Variants in SPOCK1 observed in about 807,000 individuals in gnomAD.
The protein encoded by SPOCK1 is SPARC (osteonectin), cwcv and kazal like domains proteoglycan 1, also known as testican-1.
In SPOCK1, 23 loss-of-function variants were observed where a neutral mutation model predicts 55.3. That is an observed-to-expected ratio of 0.42 (90% confidence interval 0.30 to 0.59). The LOEUF (loss-of-function observed/expected upper bound fraction) is 0.59. Among genes scored for constraint, SPOCK1 ranks in the 20% least tolerant of loss-of-function variants. The pLI, the probability that SPOCK1 is intolerant of heterozygous loss-of-function variation, is 0.22. For missense variants in SPOCK1, 499 were observed against 552.5 expected (o/e 0.90, Z 0.97); for synonymous variants, 226 against 221.0 (o/e 1.02, Z -0.20).
chr5:137,229,272 T>C (rs1243970978), intron 3 of SPOCK1, among the ~76,000 whole-genome samples: 1 of 152,114 alleles, frequency 6.6e-6, no homozygotes, highest in East Asian at 1.9e-4. Context: ...AAAGTATGAA[T>C]TGGGACATGT....
At chr5:137,020,168 C>T (rs1751538624) in intron 6 of SPOCK1, among the ~76,000 whole-genome samples, 1 of 150,978 alleles carries the variant, frequency 6.6e-6, no homozygotes, top group South Asian at 2.1e-4. Flanking sequence ...TTCCATAACT[C>T]TATGTAGGTT....
chr5:137,384,551 T>C (rs1561521412), intron 2 of SPOCK1, among the ~76,000 whole-genome samples: 1 of 146,406 alleles, frequency 6.8e-6, no homozygotes, highest in Non-Finnish European at 1.5e-5. Context: ...TATACACACA[T>C]ATACATACAT....
chr5:137,132,435 T>C (rs1222424022), intron 4 of SPOCK1, among the ~76,000 whole-genome samples: 1 of 152,130 alleles, frequency 6.6e-6, no homozygotes, highest in Admixed American at 6.5e-5. Context: ...TGAAATCCGA[T>C]GTAGGAAATA....
At chr5:137,212,402 A>G (rs1190178229) in intron 3 of SPOCK1, among the ~76,000 whole-genome samples, 40 of 152,186 alleles carry the variant, frequency 2.6e-4, no homozygotes, top group Non-Finnish European at 5.0e-4. Flanking sequence ...TAAGTTTGCA[A>G]TATATTGCAA....
At chr5:137,305,589 C>T (rs1315313014) in intron 2 of SPOCK1, among the ~76,000 whole-genome samples, 1 of 151,914 alleles carries the variant, frequency 6.6e-6, no homozygotes, top group African/African-American at 2.4e-5. Context: ...TTCGGGATGG[C>T]CATTCTTAAC....
At chr5:137,182,832 C>A (rs1415414503) in intron 3 of SPOCK1, among the ~76,000 whole-genome samples, 1 of 152,188 alleles carries the variant, frequency 6.6e-6, no homozygotes, top group East Asian at 1.9e-4. Context: ...AACTCTCCTC[C>A]CCTCTAGACC....
intron 6 of SPOCK1, among the ~76,000 whole-genome samples, chr5:137,055,425 C>A (rs553618630): frequency 6.6e-6 from 1 of 152,176 alleles, no homozygotes; most frequent in African/African-American, 2.4e-5. Flanking sequence ...AGCTCAGAGG[C>A]CTTGAGAAGC....
intron 4 of SPOCK1, among the ~76,000 whole-genome samples, chr5:137,128,703 C>T (rs1182170365): frequency 6.6e-6 from 1 of 152,200 alleles, no homozygotes; most frequent in Non-Finnish European, 1.5e-5. Context: ...CCCAATGGGT[C>T]TGAGCCAGTG....
Position 137,396,774 on chromosome 5 carries a change from G to A in SPOCK1, c.186+101599C>T, listed in dbSNP as rs185894109. Among the ~76,000 whole-genome samples, 196 of 152,280 alleles carry A rather than the reference G, an allele frequency of 1.3e-3. 3 individuals carry two copies. Among genetic ancestry groups the A allele is most frequent in the Non-Finnish European group, 1.5e-4 (10 of 68,026 alleles). On this transcript the variant is annotated intron_variant, in intron 2 of 10. Coordinates refer to ENST00000394945, the MANE Select transcript of SPOCK1 (RefSeq NM_004598.4). ...AAAAACCCAGATACATTAAGTAGTT[G>A]TCCAAAGTAGTATACTTATTAATCT...
chr5:137,356,834 T>TAGAG (rs1231164356), intron 2 of SPOCK1, among the ~76,000 whole-genome samples: 19 of 9,464 alleles, frequency 2.0e-3, no homozygotes, highest in Admixed American at 4.6e-3. Flanking sequence ...TATATATATA[T>TAGAG]ATATAGAGAG....
At chr5:137,369,555 G>A (rs1751153169) in intron 2 of SPOCK1, among the ~76,000 whole-genome samples, 1 of 152,196 alleles carries the variant, frequency 6.6e-6, no homozygotes, top group African/African-American at 2.4e-5. Context: ...CTAACTGGGA[G>A]CTTATATAAG....
intron 2 of SPOCK1, among the ~76,000 whole-genome samples, chr5:137,474,842 A>C (rs956284661): frequency 6.6e-6 from 1 of 152,214 alleles, no homozygotes; most frequent in Non-Finnish European, 1.5e-5. Context: ...GCTCTTCTTT[A>C]CTAAAAAATA....
intron 3 of SPOCK1, among the ~76,000 whole-genome samples, chr5:137,245,724 A>G (rs1756380187): frequency 6.6e-6 from 1 of 151,788 alleles, no homozygotes; most frequent in African/African-American, 2.4e-5. Flanking sequence ...AATTCTCTGC[A>G]GCATGAATTT....
chr5:137,135,922 T>C (rs1452369692), intron 4 of SPOCK1, among the ~76,000 whole-genome samples: 1 of 152,236 alleles, frequency 6.6e-6, no homozygotes, highest in Non-Finnish European at 1.5e-5. Context: ...ACAGTTTTTA[T>C]CCATCACACA....
At chr5:137,322,348 A>AAAAAAAAAC (rs1554075614) in intron 2 of SPOCK1, among the ~76,000 whole-genome samples, 1 of 145,054 alleles carries the variant, frequency 6.9e-6, no homozygotes, top group Non-Finnish European at 1.5e-5. Flanking sequence ...AAAAAAAAAA[A>AAAAAAAAAC]ACACACACAC....
intron 2 of SPOCK1, among the ~76,000 whole-genome samples, chr5:137,431,120 T>A (rs1752734793): frequency 6.6e-6 from 1 of 152,194 alleles, no homozygotes; most frequent in Non-Finnish European, 1.5e-5. Context: ...GAGAATCAGA[T>A]GTTAGCTCTG....
At chr5:137,489,031 AT>A (rs1262265047) in intron 2 of SPOCK1, among the ~76,000 whole-genome samples, 1 of 152,196 alleles carries the variant, frequency 6.6e-6, no homozygotes, top group Non-Finnish European at 1.5e-5. Flanking sequence ...GGATCTTAGC[AT>A]TATCCTTCTA....
chr5:137,341,322 A>G (rs1320654716), intron 2 of SPOCK1, among the ~76,000 whole-genome samples: 1 of 152,256 alleles, frequency 6.6e-6, no homozygotes, highest in African/African-American at 2.4e-5. Flanking sequence ...CTCAGAATAA[A>G]CAAAACCTAT....
At chr5:137,162,804 A>G (rs2043478) in intron 3 of SPOCK1, among the ~76,000 whole-genome samples, 62,545 of 152,060 alleles carry the variant, frequency 0.41, 13,205 homozygotes, top group East Asian at 0.61. Context: ...AAGGAAATAA[A>G]TGAACCTGGC....
Sources: allele counts gnomAD v4.1 joint callset (sites outside exome capture counted in the v4.1 genomes callset), GRCh38; gene constraint gnomAD v4.1.1; transcripts MANE v1.5; gene names NCBI Gene and HGNC (gene_info 2026-07-23, HGNC 2026-07-21).